The following PCDHA5 variants were observed in gnomAD, a reference collection of about 807,000 sequenced individuals.
The protein encoded by PCDHA5 is protocadherin alpha 5, also known as protocadherin alpha-5.
A neutral mutation model predicts 61.6 loss-of-function variants in PCDHA5; 43 were observed. That is an observed-to-expected ratio of 0.70 (90% CI 0.55 to 0.90). The LOEUF is 0.90. Among genes scored for constraint, PCDHA5 ranks in the 40% least tolerant of loss-of-function variants. The pLI is 0.00. For missense variants in PCDHA5, 1,298 were observed against 1,222.7 expected (o/e 1.06, Z -0.92); for synonymous variants, 627 against 543.9 (o/e 1.15, Z -2.13).
chr5:140,834,588 A>G (rs2150222080), intron 1 of PCDHA5: 1 of 1,614,122 alleles, frequency 6.2e-7, no homozygotes, highest in Non-Finnish European at 8.5e-7. Flanking sequence ...GGCGGTGTGC[A>G]AATTCCGTGG....
intron 1 of PCDHA5, chr5:140,857,836 G>T: frequency 6.3e-7 from 1 of 1,597,926 alleles, no homozygotes; most frequent in Non-Finnish European, 8.6e-7. Context: ...TGCGCGCAGT[G>T]GACGCTGACT....
At chr5:140,978,048 C>T (rs2096787371) in intron 1 of PCDHA5, among the ~76,000 whole-genome samples, 1 of 152,146 alleles carries the variant, frequency 6.6e-6, no homozygotes, top group African/African-American at 2.4e-5. Flanking sequence ...GTGATGGTGA[C>T]TGATGATGTC....
intron 3 of PCDHA5, among the ~76,000 whole-genome samples, chr5:141,006,808 A>T (rs576819521): frequency 1.3e-5 from 2 of 152,322 alleles, no homozygotes; most frequent in East Asian, 3.9e-4. Flanking sequence ...TTCTGGCTTG[A>T]GAAATGGGGT....
chr5:140,966,978 G>T lies in PCDHA5; in HGVS notation c.2353-11971G>T, dbSNP rs782662616. The stretch of plus-strand genomic sequence containing the variant: ...CGCGCGCTGGGGCTTGAGCTGCGGC[G>T]CTTGGGGCCGGGTTGCTTGCGCATC... On this transcript the variant is annotated intron_variant, in intron 1 of 3. Transcript: ENST00000529859. 3.1e-6 allele frequency: 5 copies of T among 1,603,218 alleles called. No homozygotes were observed. In the African/African-American group the frequency reaches 5.3e-5, roughly 17 times the overall value.
At chr5:140,857,863 G>A in intron 1 of PCDHA5, 2 of 1,597,840 alleles carry the variant, frequency 1.3e-6, no homozygotes, top group Non-Finnish European at 8.6e-7. Flanking sequence ...ACAACGCGTG[G>A]CTGTCGTATG....
chr5:140,828,163 G>A (rs1244863106), intron 1 of PCDHA5: 8 of 1,614,068 alleles, frequency 5.0e-6, no homozygotes, highest in African/African-American at 1.3e-5. Context: ...TCGCAGCCTG[G>A]AAGGTGGGGA....
At position 141,011,990 on chromosome 5, in the gene PCDHA5, T is replaced by C. The variant is rs1554263765; in HGVS notation, c.*2053T>C. On this transcript the variant is annotated 3_prime_UTR_variant, in exon 4 of 4. Transcript: ENST00000529859. ...ACTGTCTTGTCTACTTTTAGCTTCA[T>C]TCTCCCATATTTTGAAGGGTGTGTA... 1 of 153,772 alleles carries C rather than the reference T, an allele frequency of 6.5e-6. No homozygotes were observed. The highest frequency in any genetic ancestry group is 1.5e-5 in the Non-Finnish European group (1 of 68,038). 9.5% of individuals were successfully genotyped at this position (153,772 alleles called of 1,614,324 possible). A position where few individuals can be genotyped will look rare whatever the true frequency, so the allele number is the denominator to read the frequency against.
At chr5:140,883,502 G>T in intron 1 of PCDHA5, 1 of 1,614,160 alleles carries the variant, frequency 6.2e-7, no homozygotes, top group Non-Finnish European at 8.5e-7. Context: ...GCTGGACAGC[G>T]CCCTGGACCG....
At chr5:140,879,676 C>G (rs539657930) in intron 1 of PCDHA5, among the ~76,000 whole-genome samples, 1 of 152,308 alleles carries the variant, frequency 6.6e-6, no homozygotes, top group South Asian at 2.1e-4. Flanking sequence ...AAACTGGGTG[C>G]TGTAAAACAG....
chr5:140,882,299 C>T (rs781797969), intron 1 of PCDHA5: 33 of 1,613,690 alleles, frequency 2.0e-5, no homozygotes, highest in Non-Finnish European at 2.7e-5. Flanking sequence ...AGGCCCAAGA[C>T]CGCGGCAACT....
intron 1 of PCDHA5, chr5:140,870,013 A>C: frequency 6.2e-7 from 1 of 1,613,716 alleles, no homozygotes; most frequent in Non-Finnish European, 8.5e-7. Context: ...AGTGAGGGTC[A>C]ATGGAACTTT....
intron 1 of PCDHA5, among the ~76,000 whole-genome samples, chr5:140,889,484 A>G (rs2062245315): frequency 6.6e-6 from 1 of 152,158 alleles, no homozygotes; most frequent in Admixed American, 6.5e-5. Context: ...TACTTTCTAC[A>G]GAATCTATAG....
At chr5:140,830,188 C>A (rs2150182568) in intron 1 of PCDHA5, 2 of 1,613,672 alleles carry the variant, frequency 1.2e-6, no homozygotes, top group Non-Finnish European at 1.7e-6. Context: ...TCAACGTGTA[C>A]CTGATCATCG....
chr5:140,903,339 A>T (rs1176958912), intron 1 of PCDHA5, among the ~76,000 whole-genome samples: 1 of 152,206 alleles, frequency 6.6e-6, no homozygotes, highest in African/African-American at 2.4e-5. Context: ...GAAAGGATGC[A>T]TTTTAAAAAA....
chr5:140,912,260 C>T (rs1451576363), intron 1 of PCDHA5, among the ~76,000 whole-genome samples: 2 of 152,160 alleles, frequency 1.3e-5, no homozygotes, highest in African/African-American at 4.8e-5. Context: ...TTTGATGACA[C>T]CCTCACAGAT....
intron 1 of PCDHA5, among the ~76,000 whole-genome samples, chr5:140,881,865 T>C (rs1380240082): frequency 6.6e-6 from 1 of 152,222 alleles, no homozygotes; most frequent in Non-Finnish European, 1.5e-5. Flanking sequence ...AATAAATTTG[T>C]GGCAAAATGA....
chr5:140,870,908 A>G, intron 1 of PCDHA5: 1 of 1,613,928 alleles, frequency 6.2e-7, no homozygotes, highest in Non-Finnish European at 8.5e-7. Flanking sequence ...GACTCAGGCT[A>G]CAACGCGTGG....
chr5:140,961,564 T>A (rs2095622037), intron 1 of PCDHA5, among the ~76,000 whole-genome samples: 1 of 152,208 alleles, frequency 6.6e-6, no homozygotes, highest in African/African-American at 2.4e-5. Flanking sequence ...TTTTAAATTT[T>A]GTTTTGATAA....
rs782755765 is a variant in PCDHA5, at chr5:140,869,235, C to T, written c.2352+45108C>T. On this transcript the variant is annotated intron_variant, in intron 1 of 3. Coordinates refer to ENST00000529859, the MANE Select transcript of PCDHA5 (RefSeq NM_018908.3). ...CGGAGGAGGCCAAACACGGCACCTT[C>T]GTGGGCCGCATCGCGCAGGACCTGG... is the stretch of plus-strand genomic sequence containing the variant. 1.2e-5 allele frequency: 19 copies of T among 1,613,568 alleles called. No homozygotes were observed. The South Asian group carries it at 1.5e-4, about 13-fold the overall frequency.
Sources: gnomAD v4.1 joint callset for allele counts (sites outside exome capture counted in the v4.1 genomes callset) on GRCh38, gnomAD v4.1.1 for gene constraint, MANE v1.5 for transcripts, NCBI Gene and HGNC (gene_info 2026-07-23, HGNC 2026-07-21) for gene names.